The following LINGO2 variants were observed in gnomAD, a reference collection of about 807,000 sequenced individuals.
The protein encoded by LINGO2 is leucine rich repeat and Ig domain containing 2, also known as leucine-rich repeat and immunoglobulin-like domain-containing nogo receptor-interacting protein 2.
LINGO2 carries 14 observed loss-of-function variants against 30.6 expected under a neutral mutation model. The ratio of observed to expected loss-of-function variants is 0.46; its 90% CI spans 0.30 to 0.72. The LOEUF is 0.72. Ranked by LOEUF, LINGO2 falls within the 30% of genes least tolerant of loss-of-function variation. The pLI is 0.07. For synonymous variants in LINGO2, 317 were observed against 288.5 expected (o/e 1.10, Z -1.00); for missense variants, 729 against 751.7 (o/e 0.97, Z 0.35).
the LINGO2 span, among the ~76,000 whole-genome samples, chr9:28,818,600 G>A: frequency 6.6e-6 from 1 of 152,110 alleles, no homozygotes; most frequent in Non-Finnish European, 1.5e-5. Flanking sequence ...TGGCCAGGTT[G>A]GTCTCGAACT....
intron 3 of LINGO2, among the ~76,000 whole-genome samples, chr9:28,309,146 G>A (rs1250365509): frequency 6.6e-6 from 1 of 152,020 alleles, no homozygotes; most frequent in Non-Finnish European, 1.5e-5. Flanking sequence ...TGTTTATTGT[G>A]GCATTATTCA....
At chr9:29,085,214 C>T in the LINGO2 span, among the ~76,000 whole-genome samples, 1 of 141,026 alleles carries the variant, frequency 7.1e-6, no homozygotes, top group Non-Finnish European at 1.5e-5. Context: ...CTCTTATATT[C>T]TCTAGGTTGT....
rs563657839 is a variant in LINGO2 at position 28,033,435 on chromosome 9, G to A, written c.-86-21030C>T. Among the ~76,000 whole-genome samples the A allele has an allele frequency of 2.0e-5, 3 of 152,260 alleles. No individual in the cohort carries two copies. The East Asian group carries it at 5.8e-4, about 29-fold the overall frequency. On this transcript the variant is annotated intron_variant, in intron 4 of 5. Transcript: ENST00000379992. ...CCCACTTGCACTGGCCTGCTGTTCT[G>A]CCCTACTGAAACCTGTGCAGGAGAG...
chr9:28,258,869 T>C (rs1272391957), intron 4 of LINGO2, among the ~76,000 whole-genome samples: 1 of 151,716 alleles, frequency 6.6e-6, no homozygotes, highest in Non-Finnish European at 1.5e-5. Context: ...CCTGAAAGCC[T>C]AGGCAAGCAT....
At chr9:28,541,165 T>C (rs563562811) in intron 1 of LINGO2, among the ~76,000 whole-genome samples, 2 of 152,306 alleles carry the variant, frequency 1.3e-5, no homozygotes, top group South Asian at 4.1e-4. Context: ...AACTATGCAG[T>C]ATTTCCCAAC....
the LINGO2 span, among the ~76,000 whole-genome samples, chr9:28,712,413 A>C: frequency 6.6e-6 from 1 of 151,680 alleles, no homozygotes; most frequent in African/African-American, 2.4e-5. Context: ...AAAGCATCTT[A>C]GGGAGCCCAA....
intron 4 of LINGO2, among the ~76,000 whole-genome samples, chr9:28,104,447 G>A (rs896579): frequency 0.98 from 148,835 of 151,884 alleles, 72,994 homozygotes; most frequent in East Asian, 1. Context: ...AAATAACTCA[G>A]ATTCTCCCTC....
chr9:28,144,680 G>A (rs987801412), intron 4 of LINGO2, among the ~76,000 whole-genome samples: 3 of 152,210 alleles, frequency 2.0e-5, no homozygotes, highest in South Asian at 2.1e-4. Context: ...GGAAGATGGG[G>A]ACAGAGTTAG....
chr9:29,145,183 T>C, the LINGO2 span, among the ~76,000 whole-genome samples: 4 of 152,152 alleles, frequency 2.6e-5, no homozygotes, highest in African/African-American at 9.7e-5. Context: ...ATCCCCTACA[T>C]GTAATTATAA....
the LINGO2 span, among the ~76,000 whole-genome samples, chr9:29,157,841 T>C: frequency 2.6e-5 from 4 of 152,108 alleles, no homozygotes; most frequent in African/African-American, 9.7e-5. Context: ...TCATGAAACA[T>C]TATTTTGACC....
intron 2 of LINGO2, among the ~76,000 whole-genome samples, chr9:28,456,030 C>A (rs1243389415): frequency 1.3e-5 from 2 of 152,106 alleles, no homozygotes; most frequent in African/African-American, 2.4e-5. Context: ...TCTTATATCT[C>A]ATTTTTATCT....
At chr9:28,310,892 C>A (rs907588604) in intron 3 of LINGO2, among the ~76,000 whole-genome samples, 11 of 152,164 alleles carry the variant, frequency 7.2e-5, no homozygotes, top group African/African-American at 2.7e-4. Flanking sequence ...CAGAAACTCA[C>A]ATCATTCTTT....
chr9:29,083,768 G>A, the LINGO2 span, among the ~76,000 whole-genome samples: 3 of 152,082 alleles, frequency 2.0e-5, no homozygotes, highest in Admixed American at 2.0e-4. Flanking sequence ...GTAAGGGGTT[G>A]TACCAGTTTT....
the LINGO2 span, among the ~76,000 whole-genome samples, chr9:28,984,848 G>C: frequency 1.3e-5 from 2 of 151,966 alleles, no homozygotes; most frequent in Non-Finnish European, 2.9e-5. Flanking sequence ...ATCACTTCAA[G>C]TATTTATTAT....
chr9:28,087,419 T>C (rs746650725), intron 4 of LINGO2, among the ~76,000 whole-genome samples: 22 of 152,116 alleles, frequency 1.4e-4, no homozygotes, highest in Non-Finnish European at 3.1e-4. Flanking sequence ...TTAATTAACA[T>C]TTCCCTTAAG....
chr9:28,695,146 T>G, the LINGO2 span, among the ~76,000 whole-genome samples: 34 of 151,918 alleles, frequency 2.2e-4, no homozygotes, highest in Non-Finnish European at 4.0e-4. Context: ...GTGAACAAAG[T>G]TTTTCATAAC....
rs1454540447 is a variant in LINGO2, at chr9:28,113,900, T to C, written c.-86-101495A>G. Among the ~76,000 whole-genome samples the C allele has an allele frequency of 1.0e-4, 4 of 38,626 alleles. No homozygotes were observed. The East Asian group carries it at 5.0e-3, about 48-fold the overall frequency. 25.3% of individuals were successfully genotyped at this position (38,626 alleles called of 152,430 possible). A position where few individuals can be genotyped will look rare whatever the true frequency, so the allele number is the denominator to read the frequency against. On this transcript the variant is annotated intron_variant, in intron 4 of 5. Transcript: ENST00000379992. ...CCTCTTTTCCTAATTGAATACCCTT[T>C]ATTTCCTTCTCCTGCCTGATTGCCC...
intron 3 of LINGO2, among the ~76,000 whole-genome samples, chr9:28,368,273 C>T (rs1485129165): frequency 6.6e-6 from 1 of 152,096 alleles, no homozygotes; most frequent in Non-Finnish European, 1.5e-5. Flanking sequence ...ACCTCTAAGG[C>T]TGATTGGAAT....
At chr9:29,188,280 ATC>A in the LINGO2 span, among the ~76,000 whole-genome samples, 1 of 151,576 alleles carries the variant, frequency 6.6e-6, no homozygotes, top group African/African-American at 2.4e-5. Flanking sequence ...ACCGCCCTTA[ATC>A]CATTTAACCC....
Sources: gnomAD v4.1 joint callset for allele counts (sites outside exome capture counted in the v4.1 genomes callset) on GRCh38, gnomAD v4.1.1 for gene constraint, MANE v1.5 for transcripts, NCBI Gene and HGNC (gene_info 2026-07-23, HGNC 2026-07-21) for gene names.